MRC1: variants seen among roughly 807,000 people sequenced by gnomAD.
MRC1 encodes the protein macrophage mannose receptor 1.
Under a neutral mutation model 102.9 loss-of-function variants are expected in MRC1, and 62 were observed. The observed-to-expected ratio is 0.60, with a 90% CI of 0.49 to 0.74. MRC1 has a LOEUF of 0.74. MRC1 is among the 30% of genes least tolerant of loss of function. MRC1 has a pLI of 0.00. For missense variants in MRC1, 1,237 were observed against 862.8 expected, an observed-to-expected ratio of 1.43 and a Z score of -5.43; for synonymous variants, 457 against 298.4, an observed-to-expected ratio of 1.53 and a Z score of -5.48.
intron 28 of MRC1, among the ~76,000 whole-genome samples, chr10:17,909,049 C>G (rs1833934044): frequency 1.3e-5 from 2 of 152,152 alleles, no homozygotes; most frequent in Non-Finnish European, 2.9e-5. Flanking sequence ...CTAATGTACT[C>G]AAACGCACCA....
chr10:17,845,571 T>C (rs1014733922), intron 6 of MRC1, 136 bp downstream of exon 6: 85,380 of 716,822 alleles, frequency 0.12, 5,265 homozygotes, highest in Middle Eastern at 0.17. Context: ...ATGATATTAC[T>C]GCAATATTTC....
At chr10:17,899,078 G>T (rs956984058) in intron 24 of MRC1, among the ~76,000 whole-genome samples, 1 of 150,520 alleles carries the variant, frequency 6.6e-6, no homozygotes, top group South Asian at 2.1e-4. Context: ...GTCTAGGATG[G>T]TAGAACATAA....
chr10:17,898,057 G>T lies in MRC1; in HGVS notation c.3274G>T (p.Ala1092Ser). Reference protein sequence around the residue: ...RSDPSLTNPPATIQTDGFVKY... With the variant: ...RSDPSLTNPPSTIQTDGFVKY... ...AGACCCTTCCTTGACTAATCCTCCA[G>T]CAACGATTCAAACAGATGGCTTTGT... is the stretch of plus-strand genomic sequence containing the variant. Residue 1092 changes from alanine to serine, a missense_variant, in exon 24 of 30, where the codon GCA becomes TCA. Physicochemically the swap from Ala to Ser is moderately conservative, Grantham distance 99 (BLOSUM62 1). Transcript: ENST00000569591. The T allele has an allele frequency of 2.6e-6, 2 of 780,768 alleles. No individual in the cohort carries two copies. Among genetic ancestry groups the T allele is most frequent in the Non-Finnish European group, 4.8e-6 (2 of 417,926 alleles). 48.4% of individuals were successfully genotyped at this position (780,768 alleles called of 1,614,324 possible).
At chr10:17,874,695 C>CTTT (rs1213680184) in intron 16 of MRC1, among the ~76,000 whole-genome samples, 1 of 147,154 alleles carries the variant, frequency 6.8e-6, no homozygotes, top group Non-Finnish European at 1.5e-5. Context: ...CGAAGTTTTG[C>CTTT]TTTTTTTTTT....
intron 23 of MRC1, among the ~76,000 whole-genome samples, chr10:17,896,030 G>T (rs1833750358): frequency 6.6e-6 from 1 of 152,208 alleles, no homozygotes; most frequent in Non-Finnish European, 1.5e-5. Context: ...GAGAGTTTCA[G>T]CCAGTCTTCA....
intron 17 of MRC1, among the ~76,000 whole-genome samples, chr10:17,876,429 G>T (rs1169116048): frequency 3.3e-5 from 5 of 151,928 alleles, no homozygotes; most frequent in Non-Finnish European, 5.9e-5. Flanking sequence ...TGTATTTTTA[G>T]TAGAGACAGG....
chr10:17,871,499 A>G (rs1247192920), intron 14 of MRC1, among the ~76,000 whole-genome samples: 1 of 152,204 alleles, frequency 6.6e-6, no homozygotes, highest in Non-Finnish European at 1.5e-5. Context: ...TCATTTTGGC[A>G]AAGTTTAGTA....
chr10:17,822,698 C>A (rs1354675987), intron 1 of MRC1, among the ~76,000 whole-genome samples: 1 of 152,160 alleles, frequency 6.6e-6, no homozygotes, highest in African/African-American at 2.4e-5. Flanking sequence ...ATTCGTATTA[C>A]CCAAATTTTC....
At chr10:17,878,110 A>C in intron 18 of MRC1, 143 bp downstream of exon 18, 1 of 625,178 alleles carries the variant, frequency 1.6e-6, no homozygotes, top group Non-Finnish European at 2.9e-6. Flanking sequence ...TGAAAAAAGG[A>C]ATTTAAAATG....
At chr10:17,814,677 CTTTTTTTTTT>C (rs1179816829) in intron 1 of MRC1, among the ~76,000 whole-genome samples, 199 of 85,178 alleles carry the variant, frequency 2.3e-3, no homozygotes, top group African/African-American at 8.6e-3. Flanking sequence ...TTCCGTCCCT[CTTTTTTTTTT>C]TTTTTTTTTT....
In MRC1 at chr10:17,852,032, C is replaced by T. The variant is rs997904320; in HGVS notation, c.1250-935C>T. Among the ~76,000 whole-genome samples the T allele has an allele frequency of 2.1e-3, 318 of 152,210 alleles. 1 individual carries two copies. The highest frequency in any genetic ancestry group is 3.7e-3 in the Non-Finnish European group (254 of 68,004). On this transcript the variant is annotated intron_variant, in intron 7 of 29. Coordinates refer to ENST00000569591, the MANE Select transcript of MRC1 (RefSeq NM_002438.4). ...AAGCATTCATGATGGGACTCCCAGT[C>T]GTGTGAATTAGATAGATATTGATTT...
At chr10:17,854,779 C>G (rs891321479) in intron 8 of MRC1, 2 of 194,404 alleles carry the variant, frequency 1.0e-5, no homozygotes, top group African/African-American at 4.8e-5. Flanking sequence ...ACCTCTGCCT[C>G]GAGAGTTCAA....
In MRC1 at chr10:17,825,752, A is replaced by G. The variant is rs1004868417; in HGVS notation, c.464-1790A>G. ...TGTCTCAAAAATAAAATAAGTAAAT[A>G]AAGCTATATGTCATTGGCATCTGTA... On this transcript the variant is annotated intron_variant, in intron 2 of 29. Transcript: ENST00000569591. 2.8e-4 allele frequency among the ~76,000 whole-genome samples: 43 copies of G among 152,294 alleles called. No individual in the cohort carries two copies. The East Asian group carries it at 8.3e-3, about 29-fold the overall frequency.
Position 17,898,398 on chromosome 10 carries a change from C to T in MRC1, c.3483+132C>T. On this transcript the variant is annotated intron_variant, in intron 24 of 29. Coordinates refer to ENST00000569591, the MANE Select transcript of MRC1 (RefSeq NM_002438.4). The stretch of plus-strand genomic sequence containing the variant: ...TGCTAGGCAATGTGAATGATACTAA[C>T]ATCAACAAGATCCAATCTTTCAGGG... 7 of 745,654 alleles carry T rather than the reference C, an allele frequency of 9.4e-6. No homozygotes were observed. In the South Asian group the frequency reaches 1.0e-4, roughly 11 times the overall value. 46.2% of individuals were successfully genotyped at this position (745,654 alleles called of 1,614,324 possible). A position where few individuals can be genotyped will look rare whatever the true frequency, so the allele number is the denominator to read the frequency against.
intron 14 of MRC1, among the ~76,000 whole-genome samples, 172 bp from the exon 15 acceptor site, chr10:17,871,810 C>T (rs1467953505): frequency 6.6e-6 from 1 of 152,070 alleles, no homozygotes; most frequent in Non-Finnish European, 1.5e-5. Flanking sequence ...GTAATGAAAG[C>T]TGTTTCTTTT....
intron 22 of MRC1, among the ~76,000 whole-genome samples, chr10:17,886,372 C>A (rs1223968484): frequency 1.3e-5 from 2 of 150,700 alleles, no homozygotes; most frequent in East Asian, 3.9e-4. Flanking sequence ...CTCTCCCTCT[C>A]CCTCTTTCAC....
At chr10:17,857,255 C>T (rs914686363) in intron 9 of MRC1, among the ~76,000 whole-genome samples, 22 of 152,298 alleles carry the variant, frequency 1.4e-4, no homozygotes, top group Non-Finnish European at 2.9e-4. Context: ...AGAGAAGCAA[C>T]GTAGCTTTCT....
chr10:17,878,117 A>G lies in MRC1; in HGVS notation c.2618+150A>G, dbSNP rs1833462189. Reference sequence around the variant, plus strand: ...AAGCAACTTGAAAAAAGGAATTTAAAATGATTCTATTAAATATTTTCAGCA... The same window carrying G: ...AAGCAACTTGAAAAAAGGAATTTAAGATGATTCTATTAAATATTTTCAGCA... On this transcript the variant is annotated intron_variant, in intron 18 of 29. Transcript: ENST00000569591. The G allele has an allele frequency of 1.1e-5, 7 of 624,992 alleles. No homozygotes were observed. In the South Asian group the frequency reaches 1.4e-4, roughly 13 times the overall value. The allele number at this position is 624,992 out of a possible 1,614,324, so 38.7% of individuals were successfully genotyped here. A position where few individuals can be genotyped will look rare whatever the true frequency, so the allele number is the denominator to read the frequency against.
rs1833347616 is a variant in MRC1 at position 17,870,992 on chromosome 10, G to A, written c.2199+57G>A. 1.2e-4 allele frequency: 102 copies of A among 842,018 alleles called. 1 individual carries two copies. In the South Asian group the frequency reaches 1.4e-3, roughly 11 times the overall value. 52.2% of individuals were successfully genotyped at this position (842,018 alleles called of 1,614,324 possible). ...TACTTTATCGTGTATTTATTTTGAT[G>A]TTGTCTTTTTTTTTAATGCAAACTT... On this transcript the variant is annotated intron_variant, in intron 14 of 29. Transcript: ENST00000569591.
Sources: allele counts gnomAD v4.1 joint callset (sites outside exome capture counted in the v4.1 genomes callset), GRCh38; gene constraint gnomAD v4.1.1; transcripts MANE v1.5; gene names NCBI Gene and HGNC (gene_info 2026-07-23, HGNC 2026-07-21).